Variants in SLIT3 observed in about 807,000 individuals in gnomAD.
SLIT3 encodes slit homolog 3 protein.
Under a neutral mutation model 184.0 loss-of-function variants are expected in SLIT3, and 68 were observed. That is an observed-to-expected ratio of 0.37 (90% CI 0.30 to 0.45). SLIT3 has a LOEUF of 0.45. SLIT3 is among the 20% of genes least tolerant of loss of function. SLIT3 has a pLI of 1.00. For synonymous variants in SLIT3, 831 were observed against 828.6 expected (o/e 1.00, Z -0.05); for missense variants, 1,707 against 2,026.0 (o/e 0.84, Z 3.02).
chr5:169,105,382 A>G (rs1358119878), intron 4 of SLIT3, among the ~76,000 whole-genome samples: 1 of 152,212 alleles, frequency 6.6e-6, no homozygotes, highest in African/African-American at 2.4e-5. Flanking sequence ...AAACCAACGA[A>G]ATACCCAAGG....
At chr5:168,801,652 A>T (rs1016814173) in intron 9 of SLIT3, among the ~76,000 whole-genome samples, 2 of 152,206 alleles carry the variant, frequency 1.3e-5, no homozygotes, top group African/African-American at 4.8e-5. Context: ...GGGCGTCTGA[A>T]GACCACAGAG....
chr5:169,140,255 G>A (rs1039770727), intron 4 of SLIT3, among the ~76,000 whole-genome samples: 1 of 133,938 alleles, frequency 7.5e-6, no homozygotes, highest in African/African-American at 2.9e-5. Flanking sequence ...ACGAGGTCAG[G>A]ATTTCGAGAC....
rs1287576931 is a variant in SLIT3 at position 168,708,032 on chromosome 5, T to A, written c.2788A>T (p.Thr930Ser). Residue 930 changes from threonine to serine, a missense_variant, in exon 26 of 36, where the codon ACA (threonine) becomes TCA (serine). This residue lies in a region of SLIT3 where 1,307 missense variants were observed against 1,511.6 expected (regional missense o/e 0.86). Transcript: ENST00000519560. The part of the protein sequence containing the change: ...CLSSPCKNNG[T>S]CTQDPVELYR... ...AGCTCCACAGGGTCCTGGGTGCATG[T>A]CCCGTTATTCTTGCACGGGCTGGAG... 1 of 1,614,186 alleles carries A rather than the reference T, an allele frequency of 6.2e-7. No individual in the cohort carries two copies. Among genetic ancestry groups the A allele is most frequent in the South Asian group, 1.1e-5 (1 of 91,086 alleles).
rs370574801 is a variant in SLIT3, at chr5:168,824,739, G to A, written c.558-1408C>T. Among the ~76,000 whole-genome samples, 10 of 152,112 alleles carry A rather than the reference G, an allele frequency of 6.6e-5. No individual in the cohort carries two copies. In the South Asian group the frequency reaches 1.2e-3, roughly 19 times the overall value. Reference sequence around the variant, plus strand: ...TTGTTCCTGTGCCCTTCTATTCTCCGCTCCTCCCAGAACCACATCAGACAT... The same window carrying A: ...TTGTTCCTGTGCCCTTCTATTCTCCACTCCTCCCAGAACCACATCAGACAT... On this transcript the variant is annotated intron_variant, in intron 6 of 35. Coordinates refer to ENST00000519560, the MANE Select transcript of SLIT3 (RefSeq NM_003062.4).
intron 4 of SLIT3, among the ~76,000 whole-genome samples, chr5:169,179,382 A>G (rs1763081942): frequency 6.6e-6 from 1 of 151,594 alleles, no homozygotes; most frequent in South Asian, 2.1e-4. Flanking sequence ...TAGCTAGACA[A>G]TCCCTTTCAA....
chr5:168,823,347 AG>A lies in SLIT3; in HGVS notation c.558-17del. ...GTTGAGGGTACTGTGGAGATAGACA[AG>A]GGAGATGGTCAGCCAGGCAGCAGCA... On this transcript the variant is annotated splice_polypyrimidine_tract_variant and intron_variant, in intron 6 of 35. Coordinates refer to ENST00000519560, the MANE Select transcript of SLIT3 (RefSeq NM_003062.4). 6.2e-7 allele frequency: 1 copy of A among 1,601,516 alleles called. No homozygotes were observed. Among genetic ancestry groups the A allele is most frequent in the Non-Finnish European group, 8.6e-7 (1 of 1,168,796 alleles).
chr5:169,124,409 T>G (rs929074770), intron 4 of SLIT3, among the ~76,000 whole-genome samples: 12 of 152,306 alleles, frequency 7.9e-5, no homozygotes, highest in Admixed American at 5.9e-4. Context: ...AGACATTCCT[T>G]TGGGGAAAAT....
chr5:168,859,393 AT>A (rs996781184), intron 5 of SLIT3, among the ~76,000 whole-genome samples: 3 of 151,992 alleles, frequency 2.0e-5, no homozygotes, highest in Admixed American at 6.5e-5. Context: ...AACCAGCACC[AT>A]TTTTTTCAAG....
chr5:168,943,896 G>C (rs564052042), intron 4 of SLIT3, among the ~76,000 whole-genome samples: 132 of 152,270 alleles, frequency 8.7e-4, no homozygotes, highest in African/African-American at 3.1e-3. Context: ...ACAGGAAACT[G>C]CTGACAGTTG....
intron 1 of SLIT3, among the ~76,000 whole-genome samples, chr5:169,288,153 GC>G (rs1767221465): frequency 6.6e-6 from 1 of 152,136 alleles, no homozygotes; most frequent in African/African-American, 2.4e-5. Flanking sequence ...CCTAAAGAAG[GC>G]CCTGTATCTC....
At chr5:169,157,288 T>C (rs1762342637) in intron 4 of SLIT3, among the ~76,000 whole-genome samples, 1 of 152,202 alleles carries the variant, frequency 6.6e-6, no homozygotes, top group South Asian at 2.1e-4. Flanking sequence ...AGAGGAGTTC[T>C]ATGGAATGTC....
At chr5:168,978,700 A>G (rs1754848348) in intron 4 of SLIT3, among the ~76,000 whole-genome samples, 2 of 152,236 alleles carry the variant, frequency 1.3e-5, no homozygotes, top group African/African-American at 4.8e-5. Context: ...AGGAGGGATG[A>G]CAGATTCAGA....
rs540438995 is a variant in SLIT3, at chr5:169,026,075, T to A, written c.414-142739A>T. 2.7e-4 allele frequency among the ~76,000 whole-genome samples: 41 copies of A among 152,306 alleles called. 1 individual carries two copies. The highest frequency in any genetic ancestry group is 9.6e-4 in the African/African-American group (40 of 41,556). On this transcript the variant is annotated intron_variant, in intron 4 of 35. Transcript: ENST00000519560. Reference sequence around the variant, plus strand: ...TGGGTTTATTAACTGTCCACAGCAATTTCATAGATGGGGAATTTATGAAAA... The same window carrying A: ...TGGGTTTATTAACTGTCCACAGCAAATTCATAGATGGGGAATTTATGAAAA...
intron 4 of SLIT3, among the ~76,000 whole-genome samples, chr5:168,959,658 G>A (rs374322731): frequency 6.6e-6 from 1 of 152,120 alleles, no homozygotes; most frequent in Non-Finnish European, 1.5e-5. Flanking sequence ...CCTAAGTGAC[G>A]TGGGAAGAGG....
chr5:169,252,468 C>T (rs1009260372), intron 1 of SLIT3, among the ~76,000 whole-genome samples: 62 of 152,214 alleles, frequency 4.1e-4, no homozygotes, highest in Middle Eastern at 3.4e-3. Context: ...ACTGAAGTCA[C>T]GAACAAGCCT....
rs530188017 is a variant in SLIT3 at position 168,789,551 on chromosome 5, C to A, written c.1079+9G>T. 1 of 1,610,518 alleles carries A rather than the reference C, an allele frequency of 6.2e-7. No homozygotes were observed. The highest frequency in any genetic ancestry group is 1.7e-5 in the Admixed American group (1 of 59,828). On this transcript the variant is annotated intron_variant, in intron 11 of 35. Coordinates refer to ENST00000519560, the MANE Select transcript of SLIT3 (RefSeq NM_003062.4). ...CCTCACCTCAGGCCCCAACTCGGGC[C>A]CCACTTACAGCGATGTGAGTGATTT...
chr5:168,969,025 G>C (rs1474157125), intron 4 of SLIT3, among the ~76,000 whole-genome samples: 2 of 152,108 alleles, frequency 1.3e-5, no homozygotes, highest in Non-Finnish European at 2.9e-5. Flanking sequence ...GAGGAGTTTT[G>C]TTCAGAAAAA....
chr5:169,033,550 T>A (rs1398273314), intron 4 of SLIT3, among the ~76,000 whole-genome samples: 1 of 152,192 alleles, frequency 6.6e-6, no homozygotes, highest in African/African-American at 2.4e-5. Context: ...CCAATCTACA[T>A]TCCCAGCAAC....
intron 14 of SLIT3, among the ~76,000 whole-genome samples, chr5:168,766,732 C>A (rs1005019982): frequency 4.1e-4 from 62 of 152,300 alleles, no homozygotes; most frequent in African/African-American, 1.4e-3. Flanking sequence ...CCTCAGAATG[C>A]CCCTCTCTGT....
Sources: gnomAD v4.1 joint callset for allele counts (sites outside exome capture counted in the v4.1 genomes callset) on GRCh38, gnomAD v4.1.1 for gene constraint, gnomAD v4.1.1 regional missense constraint, MANE v1.5 for transcripts, NCBI Gene and HGNC (gene_info 2026-07-23, HGNC 2026-07-21) for gene names.